The following ATAD2B variants were observed in gnomAD, a reference collection of about 807,000 sequenced individuals.
The protein encoded by ATAD2B is ATPase family AAA domain containing 2B.
ATAD2B carries 40 observed loss-of-function variants against 167.6 expected under a neutral mutation model. The ratio of observed to expected loss-of-function variants is 0.24; its 90% CI spans 0.19 to 0.31. ATAD2B has a LOEUF of 0.31. ATAD2B is among the 10% of genes least tolerant of loss of function. The pLI is 1.00. For synonymous variants in ATAD2B, 579 were observed against 596.5 expected, an observed-to-expected ratio of 0.97 and a Z score of 0.43; for missense variants, 1,242 against 1,757.2, an observed-to-expected ratio of 0.71 and a Z score of 5.24.
the ATAD2B span, chr2:23,697,825 C>G: frequency 2.6e-5 from 4 of 152,190 alleles, no homozygotes; most frequent in East Asian, 7.7e-4. Context: ...CACTGCCCAG[C>G]TATGCATACC....
At chr2:23,745,422 A>AAGGAAGGAAGGAAGAAAGGAAAGGG (rs1491261605), downstream of ATAD2B, among the ~76,000 whole-genome samples, 36 of 85,066 alleles carry the variant, frequency 4.2e-4, no homozygotes, top group Middle Eastern at 6.2e-3. Flanking sequence ...GGAAGGAAGG[A>AAGGAAGGAAGGAAGAAAGGAAAGGG]AAGGGAAGGG....
chr2:23,822,917 C>CAAAAAAAAAA (rs33911389), intron 16 of ATAD2B, among the ~76,000 whole-genome samples: 1 of 66,314 alleles, frequency 1.5e-5, no homozygotes, highest in African/African-American at 6.4e-5. Flanking sequence ...AACTCCATCT[C>CAAAAAAAAAA]AAAAAAAAAA....
At chr2:23,855,192 C>CA (rs869284711) in intron 13 of ATAD2B, among the ~76,000 whole-genome samples, 4,646 of 94,998 alleles carry the variant, frequency 0.049, 95 homozygotes, top group African/African-American at 0.082. Flanking sequence ...GACTCTGTCT[C>CA]AAAAAAAAAA....
At chr2:23,829,988 G>GT (rs70941594) in intron 14 of ATAD2B, among the ~76,000 whole-genome samples, 68,325 of 151,604 alleles carry the variant, frequency 0.45, 16,316 homozygotes, top group East Asian at 0.78. Flanking sequence ...TTCTAAAATA[G>GT]TTTTTTTTGT....
At chr2:23,739,234 C>G in the ATAD2B span, among the ~76,000 whole-genome samples, 1 of 152,218 alleles carries the variant, frequency 6.6e-6, no homozygotes. Flanking sequence ...CACCCCAAAT[C>G]AACAGAATAT....
intron 1 of ATAD2B, among the ~76,000 whole-genome samples, chr2:23,900,271 T>C (rs1700663466): frequency 6.6e-6 from 1 of 151,306 alleles, no homozygotes; most frequent in Non-Finnish European, 1.5e-5. Flanking sequence ...CAGAGTCTCA[T>C]TGCCAGGCTG....
chr2:23,889,505 A>C (rs1489052921), intron 2 of ATAD2B, among the ~76,000 whole-genome samples: 2 of 152,100 alleles, frequency 1.3e-5, no homozygotes, highest in Non-Finnish European at 2.9e-5. Flanking sequence ...ACAAATTTTT[A>C]ATTAAAATAA....
At chr2:23,888,871 T>C (rs910766881) in intron 2 of ATAD2B, among the ~76,000 whole-genome samples, 1 of 152,158 alleles carries the variant, frequency 6.6e-6, no homozygotes, top group Non-Finnish European at 1.5e-5. Context: ...ATCTGACAAA[T>C]CAAACAGCTG....
intron 2 of ATAD2B, among the ~76,000 whole-genome samples, chr2:23,891,367 A>C (rs969642027): frequency 7.2e-5 from 11 of 152,094 alleles, no homozygotes; most frequent in Non-Finnish European, 8.8e-5. Context: ...TATATGCCTA[A>C]AAGTTTCTGT....
intron 9 of ATAD2B, 140 bp from the exon 10 acceptor site, chr2:23,868,086 C>A (rs1695409418): frequency 4.8e-6 from 3 of 621,936 alleles, no homozygotes; most frequent in Non-Finnish European, 8.3e-6. Context: ...GGATTTCATA[C>A]TTTTACTCTA....
chr2:23,865,796 T>C (rs1252352855), intron 10 of ATAD2B: 1 of 154,290 alleles, frequency 6.5e-6, no homozygotes, highest in African/African-American at 2.4e-5. Context: ...AAAATTATTT[T>C]AGAAACACTG....
the ATAD2B span, among the ~76,000 whole-genome samples, chr2:23,693,831 GC>G: frequency 6.6e-6 from 1 of 152,214 alleles, no homozygotes; most frequent in Admixed American, 6.5e-5. Context: ...AGCTGGAGGA[GC>G]CCATACCTGC....
chr2:23,771,309 A>G (rs1347466049), intron 22 of ATAD2B, among the ~76,000 whole-genome samples: 1 of 152,164 alleles, frequency 6.6e-6, no homozygotes, highest in African/African-American at 2.4e-5. Context: ...ACCTTACTGC[A>G]TTGGCTGAAA....
the ATAD2B span, among the ~76,000 whole-genome samples, chr2:23,708,897 G>C: frequency 1.3e-5 from 2 of 152,198 alleles, no homozygotes; most frequent in Admixed American, 1.3e-4. Context: ...AAGCTTCAAA[G>C]CTGTTAGCTT....
At chr2:23,693,254 C>G in the ATAD2B span, 1 of 1,537,382 alleles carries the variant, frequency 6.5e-7, no homozygotes, top group South Asian at 1.2e-5. Flanking sequence ...AGTGGTCCTG[C>G]GCTGTCGCCC....
chr2:23,784,252 T>C (rs72780191), intron 21 of ATAD2B, among the ~76,000 whole-genome samples: 15,617 of 152,138 alleles, frequency 0.1, 892 homozygotes, highest in Middle Eastern at 0.18. Context: ...AAATTTAACA[T>C]TTATTTTCTA....
the ATAD2B span, among the ~76,000 whole-genome samples, chr2:23,734,892 T>C: frequency 4.6e-5 from 7 of 152,210 alleles, no homozygotes; most frequent in Non-Finnish European, 1.0e-4. Flanking sequence ...TCTTAATATG[T>C]CTTTTACTGA....
chr2:23,811,035 AAACAAACAAACAAAT>A (rs1685500305), intron 17 of ATAD2B, among the ~76,000 whole-genome samples: 1 of 151,472 alleles, frequency 6.6e-6, no homozygotes, highest in African/African-American at 2.4e-5. Flanking sequence ...ACAAACAAAC[AAACAAACAAACAAAT>A]AATAAAATAA....
chr2:23,830,354 G>A (rs527737380), intron 14 of ATAD2B, among the ~76,000 whole-genome samples: 4 of 152,142 alleles, frequency 2.6e-5, no homozygotes, highest in South Asian at 2.1e-4. Context: ...CACCACCAAC[G>A]GTAAGATCAG....
Sources: allele counts gnomAD v4.1 joint callset (sites outside exome capture counted in the v4.1 genomes callset), GRCh38; gene constraint gnomAD v4.1.1; transcripts MANE v1.5; gene names NCBI Gene and HGNC (gene_info 2026-07-23, HGNC 2026-07-21).